The following TNS1 variants were observed in gnomAD, a reference collection of about 807,000 sequenced individuals.
TNS1 encodes tensin 1.
A neutral mutation model predicts 168.6 loss-of-function variants in TNS1; 62 were observed. The ratio of observed to expected loss-of-function variants is 0.37; its 90% CI spans 0.30 to 0.45. The LOEUF is 0.45. Among genes scored for constraint, TNS1 ranks in the 20% least tolerant of loss-of-function variants. The pLI, the probability that TNS1 is intolerant of heterozygous loss-of-function variation, is 1.00. For synonymous variants in TNS1, 934 were observed against 933.2 expected, an observed-to-expected ratio of 1.00 and a Z score of -0.02; for missense variants, 2,240 against 2,339.4, an observed-to-expected ratio of 0.96 and a Z score of 0.88.
At position 218,008,853 on chromosome 2, in the gene TNS1, C is replaced by G. The variant is rs139978118; in HGVS notation, c.96+1247G>C. On this transcript the variant is annotated intron_variant, in intron 1 of 32. Coordinates refer to the TNS1 transcript ENST00000646520. ...TGGCCTGCCTAATGGTCTGCAAGAT[C>G]CCTGCTGGAAGCAGACAATAACAAT... 5.8e-3 allele frequency among the ~76,000 whole-genome samples: 887 copies of G among 152,258 alleles called. 3 individuals are homozygous for G. The highest frequency in any genetic ancestry group is 0.01 in the Non-Finnish European group (698 of 68,034).
chr2:217,822,003 C>CA (rs1364682913), intron 22 of TNS1, 65 bp from the exon 23 acceptor site: 20 of 1,466,234 alleles, frequency 1.4e-5, no homozygotes, highest in Non-Finnish European at 1.8e-5. Flanking sequence ...CAGGTCCCCC[C>CA]CAACCTCCCC....
chr2:217,895,388 G>A (rs573627423), intron 8 of TNS1, among the ~76,000 whole-genome samples: 1 of 152,042 alleles, frequency 6.6e-6, no homozygotes, highest in African/African-American at 2.4e-5. Flanking sequence ...GGATGAAAAG[G>A]GAGAGAGAGA....
At chr2:217,961,922 C>T (rs758703845) in intron 3 of TNS1, among the ~76,000 whole-genome samples, 1 of 152,112 alleles carries the variant, frequency 6.6e-6, no homozygotes, top group Non-Finnish European at 1.5e-5. Context: ...AGGTGGGTGG[C>T]CTTCTCCAAT....
At chr2:217,991,129 G>A in intron 1 of TNS1, 73 bp from the exon 2 acceptor site, 1 of 509,464 alleles carries the variant, frequency 2.0e-6, no homozygotes. Context: ...GAGGAGCCTG[G>A]GGGAGAGGTA....
At chr2:217,917,740 A>G (rs1955194211) in intron 4 of TNS1, among the ~76,000 whole-genome samples, 1 of 150,608 alleles carries the variant, frequency 6.6e-6, no homozygotes, top group South Asian at 2.1e-4. Context: ...CTGAGGCGGG[A>G]GAAATGCTTG....
intron 8 of TNS1, among the ~76,000 whole-genome samples, chr2:217,896,030 C>T (rs1214742193): frequency 6.6e-6 from 1 of 152,230 alleles, no homozygotes; most frequent in Non-Finnish European, 1.5e-5. Flanking sequence ...TGAATGTCTG[C>T]CACCTGTCAG....
chr2:217,829,322 T>A (rs1344556294), intron 22 of TNS1, among the ~76,000 whole-genome samples: 3 of 151,674 alleles, frequency 2.0e-5, no homozygotes, highest in Admixed American at 2.0e-4. Flanking sequence ...GAGGCAGAGG[T>A]TGCAGTGAGC....
At chr2:217,900,114 A>G (rs2125752485) in intron 7 of TNS1, among the ~76,000 whole-genome samples, 1 of 152,252 alleles carries the variant, frequency 6.6e-6, no homozygotes, top group South Asian at 2.1e-4. Context: ...CGCAAATCCA[A>G]GTGCTGCCTC....
chr2:218,024,439 G>A (rs1958835372), intron 1 of TNS1, among the ~76,000 whole-genome samples: 1 of 152,132 alleles, frequency 6.6e-6, no homozygotes, highest in Non-Finnish European at 1.5e-5. Flanking sequence ...GAGGCTGTCT[G>A]GGTGCCTCAC....
chr2:217,895,227 G>A (rs1419886783), intron 8 of TNS1, among the ~76,000 whole-genome samples, 171 bp from the exon 9 acceptor site: 1 of 152,202 alleles, frequency 6.6e-6, no homozygotes, highest in Admixed American at 6.5e-5. Flanking sequence ...TCACGGCCAG[G>A]GGCCTGGCCA....
chr2:217,990,906 G>A, intron 2 of TNS1, 36 bp downstream of exon 2: 1 of 578,486 alleles, frequency 1.7e-6, no homozygotes, highest in Non-Finnish European at 3.2e-6. Flanking sequence ...CCCCTGATGG[G>A]TGCTCCCATC....
At chr2:217,810,810 T>C (rs1035673) in intron 28 of TNS1, among the ~76,000 whole-genome samples, 97,819 of 151,980 alleles carry the variant, frequency 0.64, 32,164 homozygotes, top group African/African-American at 0.78. Flanking sequence ...GAGTGATGGA[T>C]ATATTAGCAT....
In TNS1 at chr2:217,839,626, C is replaced by T. The variant is rs143406587; in HGVS notation, c.3008-3415G>A. ...CTGGGAGCTGTAGCCCTGACACAGA[C>T]CGATACATGTACTTTGGCAAAGCAC... On this transcript the variant is annotated intron_variant, in intron 19 of 32. Coordinates refer to ENST00000682258, the MANE Select transcript of TNS1 (RefSeq NM_001387777.1). Among the ~76,000 whole-genome samples the T allele has an allele frequency of 3.6e-3, 555 of 152,286 alleles. 7 individuals are homozygous for T. The highest frequency in any genetic ancestry group is 3.7e-3 in the Non-Finnish European group (253 of 68,000).
intron 22 of TNS1, among the ~76,000 whole-genome samples, chr2:217,830,889 T>C (rs1249556146): frequency 6.6e-6 from 1 of 152,158 alleles, no homozygotes; most frequent in Non-Finnish European, 1.5e-5. Flanking sequence ...CTGCTAGTCA[T>C]GGGTTTCTCT....
chr2:217,990,892 C>CA, intron 2 of TNS1, 50 bp downstream of exon 2: 1 of 553,780 alleles, frequency 1.8e-6, no homozygotes, highest in Non-Finnish European at 3.3e-6. Context: ...CCAGCCATCT[C>CA]ATTCCCCTGA....
intron 19 of TNS1, among the ~76,000 whole-genome samples, chr2:217,841,474 T>C (rs983102133): frequency 5.3e-5 from 8 of 152,074 alleles, no homozygotes; most frequent in African/African-American, 1.9e-4. Context: ...TCAAGATTAG[T>C]TGGTGTTCTG....
At chr2:218,010,648 C>T (rs1189908294), upstream of TNS1, among the ~76,000 whole-genome samples, 1 of 149,584 alleles carries the variant, frequency 6.7e-6, no homozygotes, top group Non-Finnish European at 1.5e-5. Context: ...GCCGGGCGTC[C>T]GGCGTCCACC....
At chr2:218,021,465 C>T (rs577942775) in intron 1 of TNS1, among the ~76,000 whole-genome samples, 10 of 152,176 alleles carry the variant, frequency 6.6e-5, no homozygotes, top group Non-Finnish European at 1.0e-4. Flanking sequence ...TAGCCTAGAG[C>T]GAGTAGAGCA....
chr2:217,821,768 T>A lies in TNS1; in HGVS notation c.3544A>T (p.Thr1182Ser), dbSNP rs1380279277. The A allele has an allele frequency of 1.1e-5, 17 of 1,503,412 alleles. No homozygotes were observed. Among genetic ancestry groups the A allele is most frequent in the Non-Finnish European group, 1.5e-5 (17 of 1,129,420 alleles). 93.1% of individuals were successfully genotyped at this position (1,503,412 alleles called of 1,614,324 possible). Reference protein sequence around the residue: ...GSFVSPSPLSTSSPILSADST... With the variant: ...GSFVSPSPLSSSSPILSADST... ...TCAGCACTGAGGATGGGGCTGCTGG[T>A]GGAGAGGGGGCTGGGGGAGACAAAG... The change falls in exon 23 of 33, where the codon ACC becomes TCC. Residue 1182 changes from threonine (T) to serine (S), a missense_variant. Transcript: ENST00000682258.
Sources: gnomAD v4.1 joint callset for allele counts (sites outside exome capture counted in the v4.1 genomes callset) on GRCh38, gnomAD v4.1.1 for gene constraint, MANE v1.5 for transcripts, NCBI Gene and HGNC (gene_info 2026-07-23, HGNC 2026-07-21) for gene names.